ST18: variants seen among roughly 807,000 people sequenced by gnomAD.
ST18 encodes the protein suppression of tumorigenicity 18 protein.
ST18 carries 50 observed loss-of-function variants against 110.0 expected under a neutral mutation model. The observed-to-expected ratio is 0.45, with a 90% CI of 0.36 to 0.58. The LOEUF (loss-of-function observed/expected upper bound fraction) is 0.58, where lower values mean the gene tolerates loss of function less well. ST18 is among the 20% of genes least tolerant of loss of function. The probability of loss-of-function intolerance (pLI) is 0.00; values close to 1 mark genes in which losing one functional copy is unlikely to be tolerated. For missense variants in ST18, 1,306 were observed against 1,280.1 expected (o/e 1.02, Z -0.31); for synonymous variants, 461 against 452.4 (o/e 1.02, Z -0.24).
chr8:52,360,939 A>G (rs1276926838), intron 2 of ST18, among the ~76,000 whole-genome samples: 1 of 152,210 alleles, frequency 6.6e-6, no homozygotes, highest in African/African-American at 2.4e-5. Flanking sequence ...GTGACTGCCA[A>G]GCCTGCTGAA....
At chr8:52,149,264 A>G (rs772521162) in intron 16 of ST18, among the ~76,000 whole-genome samples, 1 of 152,252 alleles carries the variant, frequency 6.6e-6, no homozygotes, top group Non-Finnish European at 1.5e-5. Context: ...GCCTTAAACA[A>G]TGAGTCTATA....
intron 2 of ST18, among the ~76,000 whole-genome samples, chr8:52,383,914 GT>G (rs917097155): frequency 1.3e-5 from 2 of 151,964 alleles, no homozygotes; most frequent in African/African-American, 4.8e-5. Flanking sequence ...CACCCAGCTA[GT>G]TTTTGTTTTG....
Position 52,117,857 on chromosome 8 carries a change from A to G in ST18, c.2859+481T>C, listed in dbSNP as rs77490229. ...AGATGAGGCAGACATCACAAAGAAG[A>G]ATGCAGAATTGAGAAATTGCTTGGG... On this transcript the variant is annotated intron_variant, in intron 24 of 25. Coordinates refer to ENST00000689386, the MANE Select transcript of ST18 (RefSeq NM_001352837.2). Among the ~76,000 whole-genome samples, 1,390 of 152,364 alleles carry G rather than the reference A, an allele frequency of 9.1e-3. 33 individuals carry two copies. The highest frequency in any genetic ancestry group is 0.032 in the African/African-American group (1,328 of 41,590).
chr8:52,163,389 T>C (rs1205961036), intron 13 of ST18, among the ~76,000 whole-genome samples: 1 of 152,210 alleles, frequency 6.6e-6, no homozygotes, highest in Admixed American at 6.5e-5. Context: ...AATAAACATA[T>C]AACTTTACAT....
intron 2 of ST18, among the ~76,000 whole-genome samples, chr8:52,328,147 T>G (rs2140021220): frequency 6.6e-6 from 1 of 152,320 alleles, no homozygotes; most frequent in South Asian, 2.1e-4. Flanking sequence ...CTAGTTTTGG[T>G]TTGTGATTAA....
rs773849304 is a variant in ST18, at chr8:52,113,307, T to C, written c.3035A>G (p.Tyr1012Cys). 2.5e-6 allele frequency: 4 copies of C among 1,613,990 alleles called. No individual in the cohort carries two copies. The highest frequency in any genetic ancestry group is 1.7e-5 in the Admixed American group (1 of 60,010). The part of the protein sequence containing the change: ...GPISEQNFEA[Y>C]VNTLTDMYSN... ...GTACATATCTGTGAGTGTATTTACA[T>C]ATGCTTCAAAATTCTGCTCACTGAT... The change falls in exon 26 of 26, where the codon TAT (tyrosine) becomes TGT (cysteine). Residue 1012 changes from tyrosine (Y) to cysteine (C), a missense_variant. By Grantham distance (194) the Tyr-to-Cys change is radical. Coordinates refer to ENST00000689386, the MANE Select transcript of ST18 (RefSeq NM_001352837.2).
intron 2 of ST18, among the ~76,000 whole-genome samples, chr8:52,402,286 TGGAATG>T (rs1180584034): frequency 3.3e-5 from 5 of 152,168 alleles, no homozygotes; most frequent in Non-Finnish European, 7.4e-5. Context: ...CACATGTGAT[TGGAATG>T]GCTGTAGAAC....
intron 3 of ST18, among the ~76,000 whole-genome samples, chr8:52,226,506 TAA>T (rs774810659): frequency 1.3e-5 from 2 of 152,210 alleles, no homozygotes; most frequent in Non-Finnish European, 2.9e-5. Context: ...TCTGTAATAT[TAA>T]GTTTCCTCTT....
chr8:52,156,936 C>T (rs1463947341), intron 15 of ST18, among the ~76,000 whole-genome samples: 7 of 152,210 alleles, frequency 4.6e-5, no homozygotes, highest in Non-Finnish European at 8.8e-5. Context: ...TCTGTCTCTT[C>T]CACCCTCGTC....
chr8:52,163,142 C>T (rs972584579), intron 13 of ST18, among the ~76,000 whole-genome samples: 2 of 152,190 alleles, frequency 1.3e-5, no homozygotes, highest in Non-Finnish European at 2.9e-5. Context: ...CTTTTAATTG[C>T]TACTTATTCA....
intron 2 of ST18, among the ~76,000 whole-genome samples, chr8:52,307,417 T>A (rs184653548): frequency 6.6e-6 from 1 of 152,326 alleles, no homozygotes; most frequent in East Asian, 1.9e-4. Context: ...AAGTCCACGT[T>A]AAACAATAAT....
At chr8:52,391,980 G>A (rs1420751027) in intron 2 of ST18, among the ~76,000 whole-genome samples, 2 of 152,142 alleles carry the variant, frequency 1.3e-5, no homozygotes, top group Non-Finnish European at 2.9e-5. Flanking sequence ...AGTATTCAAG[G>A]GGCAATAGTC....
intron 2 of ST18, among the ~76,000 whole-genome samples, chr8:52,344,645 C>T (rs894353859): frequency 6.6e-6 from 1 of 152,194 alleles, no homozygotes; most frequent in Admixed American, 6.5e-5. Context: ...AGGTGATCCG[C>T]CTGCCTCAGC....
chr8:52,118,619 G>A (rs2130644925), intron 23 of ST18, among the ~76,000 whole-genome samples, 178 bp from the exon 24 acceptor site: 1 of 152,192 alleles, frequency 6.6e-6, no homozygotes, highest in East Asian at 1.9e-4. Flanking sequence ...TTAATTTATT[G>A]GTAAGAAAGA....
chr8:52,316,430 T>C (rs769026219), intron 2 of ST18, among the ~76,000 whole-genome samples: 1 of 152,236 alleles, frequency 6.6e-6, no homozygotes, highest in Non-Finnish European at 1.5e-5. Flanking sequence ...GCAAACTTTA[T>C]AATTTTTGCA....
intron 2 of ST18, among the ~76,000 whole-genome samples, chr8:52,370,928 T>G (rs985803712): frequency 1.3e-5 from 2 of 152,232 alleles, no homozygotes; most frequent in African/African-American, 4.8e-5. Context: ...TTCTATGTTT[T>G]AATTTACAAA....
At chr8:52,214,727 AC>A (rs1035061065) in intron 6 of ST18, among the ~76,000 whole-genome samples, 1 of 152,078 alleles carries the variant, frequency 6.6e-6, no homozygotes, top group African/African-American at 2.4e-5. Flanking sequence ...ATGAAGACAA[AC>A]CCCTCAAATG....
intron 13 of ST18, among the ~76,000 whole-genome samples, chr8:52,163,780 C>G (rs540958716): frequency 6.6e-6 from 1 of 152,122 alleles, no homozygotes; most frequent in Non-Finnish European, 1.5e-5. Flanking sequence ...TCAAGTTAAA[C>G]TTCTGGAGAG....
intron 2 of ST18, among the ~76,000 whole-genome samples, chr8:52,343,431 C>T (rs185874812): frequency 6.6e-6 from 1 of 152,246 alleles, no homozygotes; most frequent in Non-Finnish European, 1.5e-5. Flanking sequence ...ATGTACCAAC[C>T]ATAGACGTTT....
Sources: allele counts gnomAD v4.1 joint callset (sites outside exome capture counted in the v4.1 genomes callset), GRCh38; gene constraint gnomAD v4.1.1; transcripts MANE v1.5; gene names NCBI Gene and HGNC (gene_info 2026-07-23, HGNC 2026-07-21).